The following KCNIP1 variants were observed in gnomAD, a reference collection of about 807,000 sequenced individuals.
KCNIP1 encodes A-type potassium channel modulatory protein KCNIP1.
In KCNIP1, 18 loss-of-function variants were observed where a neutral mutation model predicts 33.0. That is an observed-to-expected ratio of 0.55 (90% CI 0.38 to 0.81). The LOEUF is 0.81. KCNIP1 is among the 30% of genes least tolerant of loss of function. The pLI is 0.00. For missense variants in KCNIP1, 238 were observed against 271.6 expected (o/e 0.88, Z 0.87); for synonymous variants, 93 against 98.3 (o/e 0.95, Z 0.32).
At chr5:170,628,215 G>C (rs1181998401) in intron 1 of KCNIP1, among the ~76,000 whole-genome samples, 11 of 152,300 alleles carry the variant, frequency 7.2e-5, no homozygotes, top group Non-Finnish European at 2.9e-5. Flanking sequence ...ACCACAGCCG[G>C]TAGCCAGCTT....
chr5:170,663,352 C>CCGTG (rs1433082684), intron 1 of KCNIP1, among the ~76,000 whole-genome samples: 1 of 152,160 alleles, frequency 6.6e-6, no homozygotes, highest in Non-Finnish European at 1.5e-5. Context: ...TACTCTCCCA[C>CCGTG]CGTGCTGAAG....
intron 1 of KCNIP1, among the ~76,000 whole-genome samples, chr5:170,419,770 T>C (rs1440848003): frequency 1.3e-5 from 2 of 152,256 alleles, no homozygotes; most frequent in Non-Finnish European, 2.9e-5. Flanking sequence ...GAGCAGGCCA[T>C]GATTTGTGGC....
intron 1 of KCNIP1, among the ~76,000 whole-genome samples, chr5:170,583,830 A>G (rs977488307): frequency 6.6e-6 from 1 of 152,166 alleles, no homozygotes; most frequent in African/African-American, 2.4e-5. Flanking sequence ...AAAGATAATC[A>G]TCAGTTTTTA....
intron 1 of KCNIP1, among the ~76,000 whole-genome samples, chr5:170,468,278 A>G (rs1295466472): frequency 6.6e-6 from 1 of 152,224 alleles, no homozygotes. Flanking sequence ...AAGGAATTAA[A>G]ATATATTAAG....
At position 170,696,033 on chromosome 5, in the gene KCNIP1, G is replaced by A. The variant is rs1468423721; in HGVS notation, c.62-22725G>A. Among the ~76,000 whole-genome samples the A allele has an allele frequency of 3.7e-3, 484 of 131,602 alleles. 2 individuals are homozygous for A. Among genetic ancestry groups the A allele is most frequent in the Non-Finnish European group, 5.8e-3 (349 of 60,504 alleles). The allele number at this position is 131,602 out of a possible 152,430, so 86.3% of individuals were successfully genotyped here. On this transcript the variant is annotated intron_variant, in intron 1 of 7. Transcript: ENST00000328939. ...CTCTGTCTCAAAAAAAAAAAAAAAAGCCAGGCTTTTTCTCATCTCATAATC... is the reference window on the plus strand; with the variant it reads ...CTCTGTCTCAAAAAAAAAAAAAAAAACCAGGCTTTTTCTCATCTCATAATC...
intron 1 of KCNIP1, among the ~76,000 whole-genome samples, chr5:170,520,781 C>G (rs1384261647): frequency 3.3e-5 from 5 of 152,218 alleles, no homozygotes; most frequent in Non-Finnish European, 7.3e-5. Flanking sequence ...TGCATTGCCC[C>G]TTCTCAACCC....
At chr5:170,430,632 G>A (rs1241621258) in intron 1 of KCNIP1, among the ~76,000 whole-genome samples, 3 of 152,152 alleles carry the variant, frequency 2.0e-5, no homozygotes, top group East Asian at 3.9e-4. Context: ...GGATGGGAAC[G>A]TCCTCATTTC....
chr5:170,593,397 C>G (rs1176644807), intron 1 of KCNIP1, among the ~76,000 whole-genome samples: 2 of 152,178 alleles, frequency 1.3e-5, no homozygotes, highest in Non-Finnish European at 2.9e-5. Flanking sequence ...TTTCTCCATC[C>G]CCAGCACCTA....
rs118172887 is a variant in KCNIP1, at chr5:170,716,115, T to A, written c.62-2643T>A. On this transcript the variant is annotated intron_variant, in intron 1 of 7. Coordinates refer to ENST00000328939, the MANE Select transcript of KCNIP1 (RefSeq NM_014592.4). ...AAAGAAAGGGAAGGGAGAGCTGATG[T>A]GAGAGCGGCAGCGTGGGCACTCCTG... is the stretch of plus-strand genomic sequence containing the variant. Among the ~76,000 whole-genome samples, 228 of 152,302 alleles carry A rather than the reference T, an allele frequency of 1.5e-3. 3 individuals are homozygous for A. Among genetic ancestry groups the A allele is most frequent in the Admixed American group, 8.8e-3 (134 of 15,290 alleles).
At chr5:170,698,340 G>A (rs889672019) in intron 1 of KCNIP1, among the ~76,000 whole-genome samples, 1 of 152,218 alleles carries the variant, frequency 6.6e-6, no homozygotes, top group Admixed American at 6.5e-5. Context: ...GTTCTATGTG[G>A]CTATAAAGTT....
chr5:170,610,587 C>T (rs1759106755), intron 1 of KCNIP1, among the ~76,000 whole-genome samples: 1 of 152,216 alleles, frequency 6.6e-6, no homozygotes, highest in African/African-American at 2.4e-5. Flanking sequence ...ATCTTAGGTG[C>T]ACCTTTCATT....
chr5:170,618,581 A>T (rs1487304222), intron 1 of KCNIP1, among the ~76,000 whole-genome samples: 1 of 132,394 alleles, frequency 7.6e-6, no homozygotes, highest in Non-Finnish European at 1.6e-5. Flanking sequence ...GAGCTAACTG[A>T]CATTTTCCCC....
intron 1 of KCNIP1, among the ~76,000 whole-genome samples, chr5:170,581,997 C>A (rs936829950): frequency 1.7e-4 from 26 of 152,208 alleles, no homozygotes; most frequent in African/African-American, 6.3e-4. Context: ...CTTGGGGGAA[C>A]TCTCTTAGGA....
At chr5:170,357,365 A>T (rs2113280586) in intron 1 of KCNIP1, among the ~76,000 whole-genome samples, 1 of 152,304 alleles carries the variant, frequency 6.6e-6, no homozygotes, top group East Asian at 1.9e-4. Context: ...GTGTTGATGG[A>T]TATGACTTCT....
At chr5:170,449,699 T>C (rs866756112) in intron 1 of KCNIP1, among the ~76,000 whole-genome samples, 68 of 152,334 alleles carry the variant, frequency 4.5e-4, no homozygotes, top group African/African-American at 1.5e-3. Context: ...GTATGTTAAA[T>C]GCTGAGTGGA....
intron 1 of KCNIP1, among the ~76,000 whole-genome samples, chr5:170,589,782 G>GGT (rs1561703707): frequency 4.3e-5 from 6 of 140,550 alleles, no homozygotes; most frequent in African/African-American, 1.7e-4. Context: ...GGTGTGGTGT[G>GGT]ATGTGATGTG....
At chr5:170,463,858 T>C (rs1425177954) in intron 1 of KCNIP1, among the ~76,000 whole-genome samples, 2 of 152,096 alleles carry the variant, frequency 1.3e-5, no homozygotes, top group Non-Finnish European at 2.9e-5. Context: ...TGAACTCAAA[T>C]TGGAAAGGAA....
chr5:170,640,864 C>T (rs756715068), intron 1 of KCNIP1, among the ~76,000 whole-genome samples: 8 of 152,124 alleles, frequency 5.3e-5, no homozygotes, highest in Admixed American at 2.6e-4. Flanking sequence ...TAAACAGAAT[C>T]GACTCCTCTG....
At chr5:170,587,433 A>AG (rs1758041724) in intron 1 of KCNIP1, among the ~76,000 whole-genome samples, 1 of 151,520 alleles carries the variant, frequency 6.6e-6, no homozygotes, top group African/African-American at 2.4e-5. Flanking sequence ...AAAAAAAAAA[A>AG]AAAAAAAAAA....
Sources: allele counts gnomAD v4.1 joint callset (sites outside exome capture counted in the v4.1 genomes callset), GRCh38; gene constraint gnomAD v4.1.1; transcripts MANE v1.5; gene names NCBI Gene and HGNC (gene_info 2026-07-23, HGNC 2026-07-21).